ZCCHC14: variants seen among roughly 807,000 people sequenced by gnomAD.
ZCCHC14 encodes zinc finger CCHC-type containing 14, also known as zinc finger CCHC domain-containing protein 14.
Under a neutral mutation model 85.0 loss-of-function variants are expected in ZCCHC14, and 16 were observed. The observed-to-expected ratio is 0.19, with a 90% CI of 0.13 to 0.29. The LOEUF (loss-of-function observed/expected upper bound fraction) is 0.29, where lower values mean the gene tolerates loss of function less well. Among genes scored for constraint, ZCCHC14 ranks in the 10% least tolerant of loss-of-function variants. The pLI, the probability that ZCCHC14 is intolerant of heterozygous loss-of-function variation, is 1.00. For missense variants in ZCCHC14, 1,303 were observed against 1,443.5 expected, an observed-to-expected ratio of 0.90 and a Z score of 1.58; for synonymous variants, 775 against 630.7, an observed-to-expected ratio of 1.23 and a Z score of -3.43.
chr16:87,436,786 G>C (rs1909944884), intron 2 of ZCCHC14, among the ~76,000 whole-genome samples: 1 of 152,094 alleles, frequency 6.6e-6, no homozygotes, highest in Non-Finnish European at 1.5e-5. Context: ...TGCATAACAT[G>C]ATGACAGTTT....
At chr16:87,468,228 T>G (rs1172705262) in intron 1 of ZCCHC14, among the ~76,000 whole-genome samples, 1 of 152,250 alleles carries the variant, frequency 6.6e-6, no homozygotes, top group African/African-American at 2.4e-5. Context: ...TGGTGACATC[T>G]GTACGTAACC....
chr16:87,440,098 T>C (rs1295703717), intron 2 of ZCCHC14, among the ~76,000 whole-genome samples: 1 of 152,210 alleles, frequency 6.6e-6, no homozygotes, highest in Non-Finnish European at 1.5e-5. Context: ...AAAGCCGCTG[T>C]GCCCGGCCTA....
chr16:87,411,502 T>C lies in ZCCHC14; in HGVS notation c.3205+14A>G. On this transcript the variant is annotated intron_variant, in intron 12 of 12. Coordinates refer to ENST00000671377, the MANE Select transcript of ZCCHC14 (RefSeq NM_015144.3). The stretch of plus-strand genomic sequence containing the variant: ...TGCGGGAGCCTGGTGGGCGCGGCCA[T>C]GGCGCGCGCTTACCTGGCCGGTTGA... The C allele has an allele frequency of 6.2e-7, 1 of 1,612,824 alleles. No individual in the cohort carries two copies. Among genetic ancestry groups the C allele is most frequent in the Non-Finnish European group, 8.5e-7 (1 of 1,179,780 alleles).
In ZCCHC14 at chr16:87,467,051, T is replaced by G. The variant is rs569281074; in HGVS notation, c.571-6920A>C. 534 of 449,716 alleles carry G rather than the reference T, an allele frequency of 1.2e-3. 2 individuals carry two copies. The highest frequency in any genetic ancestry group is 9.0e-3 in the African/African-American group (442 of 49,288). The allele number at this position is 449,716 out of a possible 1,614,324, so 27.9% of individuals were successfully genotyped here. A position where few individuals can be genotyped will look rare whatever the true frequency, so the allele number is the denominator to read the frequency against. On this transcript the variant is annotated intron_variant, in intron 1 of 12. Transcript: ENST00000671377. ...TTCATGAAAAAAAAAAATTGTTTTT[T>G]TTTTTTTTTTTACTAAAGAGACAGG...
At chr16:87,490,503 G>C (rs946642754) in intron 1 of ZCCHC14, among the ~76,000 whole-genome samples, 2 of 152,220 alleles carry the variant, frequency 1.3e-5, no homozygotes, top group Non-Finnish European at 2.9e-5. Flanking sequence ...AAAATAGCTG[G>C]AGCCCCAGAC....
chr16:87,458,457 G>T (rs1173121520), intron 2 of ZCCHC14, among the ~76,000 whole-genome samples: 1 of 152,172 alleles, frequency 6.6e-6, no homozygotes, highest in African/African-American at 2.4e-5. Flanking sequence ...GACCTCAGGG[G>T]GTTGCTACGA....
At chr16:87,423,635 C>A (rs2150731025) in intron 4 of ZCCHC14, among the ~76,000 whole-genome samples, 175 bp downstream of exon 4, 1 of 152,348 alleles carries the variant, frequency 6.6e-6, no homozygotes, top group East Asian at 1.9e-4. Context: ...GTGCTCGCAG[C>A]AACGCTCATG....
intron 2 of ZCCHC14, among the ~76,000 whole-genome samples, chr16:87,453,253 G>T (rs1910792051): frequency 6.6e-6 from 1 of 152,246 alleles, no homozygotes. Context: ...CACAGTCATG[G>T]CAACAGCTCC....
At chr16:87,415,748 A>G (rs577861650) in intron 8 of ZCCHC14, among the ~76,000 whole-genome samples, 20 of 152,320 alleles carry the variant, frequency 1.3e-4, no homozygotes, top group African/African-American at 3.4e-4. Context: ...AACGTCTTGC[A>G]TAAGTCACAG....
At position 87,408,558 on chromosome 16, in the gene ZCCHC14, C is replaced by T. The variant is rs1212086753; in HGVS notation, c.*1722G>A. On this transcript the variant is annotated 3_prime_UTR_variant, in exon 13 of 13. Transcript: ENST00000671377. ...CCTAAATAGCTGTTGTAATAAGCAT[C>T]ACCATTACTTCAACACTGTAATACT... 6.6e-6 allele frequency: 1 copy of T among 152,582 alleles called. No individual in the cohort carries two copies. Among genetic ancestry groups the T allele is most frequent in the Non-Finnish European group, 1.5e-5 (1 of 68,042 alleles). The allele number at this position is 152,582 out of a possible 1,614,324, so 9.5% of individuals were successfully genotyped here.
In ZCCHC14 at chr16:87,460,053, T is replaced by G. The variant is rs770384642; in HGVS notation, c.649A>C (p.Thr217Pro). Residue 217 changes from threonine to proline, a missense_variant, in exon 2 of 13, where the codon ACG becomes CCG. Coordinates refer to ENST00000671377, the MANE Select transcript of ZCCHC14 (RefSeq NM_015144.3). Reference sequence around the variant, plus strand: ...GGCCTCTTGGGCAGCGACTCCTCCGTGGAATGTGCTGATGTGTGCAGGGCA... The same window carrying G: ...GGCCTCTTGGGCAGCGACTCCTCCGGGGAATGTGCTGATGTGTGCAGGGCA... ...ENALHTSAHSTEESLPKRPLG... is the reference protein window; with the variant it reads ...ENALHTSAHSPEESLPKRPLG... 6 of 1,614,186 alleles carry G rather than the reference T, an allele frequency of 3.7e-6. No individual in the cohort carries two copies. The Middle Eastern group carries it at 6.6e-4, about 178-fold the overall frequency.
chr16:87,440,566 C>T (rs73240859), intron 2 of ZCCHC14, among the ~76,000 whole-genome samples: 7,499 of 152,194 alleles, frequency 0.049, 640 homozygotes, highest in African/African-American at 0.17. Context: ...AGGTCACTGG[C>T]CACATCCCAG....
chr16:87,436,407 C>G (rs535399877), intron 2 of ZCCHC14, among the ~76,000 whole-genome samples: 2 of 152,374 alleles, frequency 1.3e-5, no homozygotes, highest in Non-Finnish European at 2.9e-5. Context: ...TCCGCGGGCT[C>G]TGAAGGCTGA....
intron 1 of ZCCHC14, among the ~76,000 whole-genome samples, chr16:87,486,466 G>C (rs1233439183): frequency 6.6e-6 from 1 of 152,252 alleles, no homozygotes. Context: ...GCCCAGAGGT[G>C]TAGCGGGTTC....
intron 1 of ZCCHC14, chr16:87,470,696 G>A (rs1202118493): frequency 1.3e-5 from 2 of 152,226 alleles, no homozygotes; most frequent in Non-Finnish European, 2.9e-5. Flanking sequence ...TATTGAAATA[G>A]GTCGCTAAAT....
chr16:87,485,771 G>T (rs1311214786), intron 1 of ZCCHC14, among the ~76,000 whole-genome samples: 1 of 152,094 alleles, frequency 6.6e-6, no homozygotes, highest in Admixed American at 6.6e-5. Flanking sequence ...CTACTAGCTG[G>T]ACTCTGAAGT....
At chr16:87,450,564 G>A (rs995388011) in intron 2 of ZCCHC14, among the ~76,000 whole-genome samples, 1 of 148,262 alleles carries the variant, frequency 6.7e-6, no homozygotes, top group African/African-American at 2.5e-5. Context: ...GCTGATAATA[G>A]ATTCTTTTTT....
At chr16:87,428,857 G>C (rs1909506313) in intron 3 of ZCCHC14, among the ~76,000 whole-genome samples, 1 of 151,880 alleles carries the variant, frequency 6.6e-6, no homozygotes, top group Admixed American at 6.6e-5. Flanking sequence ...ATATGGCTGA[G>C]TATCTCAGTT....
chr16:87,435,228 A>G (rs1437106764), intron 2 of ZCCHC14, among the ~76,000 whole-genome samples: 1 of 152,156 alleles, frequency 6.6e-6, no homozygotes, highest in Non-Finnish European at 1.5e-5. Context: ...CTAAGCCTGC[A>G]CTGCCCAAAT....
Sources: allele counts gnomAD v4.1 joint callset (sites outside exome capture counted in the v4.1 genomes callset), GRCh38; gene constraint gnomAD v4.1.1; transcripts MANE v1.5; gene names NCBI Gene and HGNC (gene_info 2026-07-23, HGNC 2026-07-21).